TDO2: variants seen among roughly 807,000 people sequenced by gnomAD.
TDO2 encodes tryptophan 2,3-dioxygenase, also known as tryptamin 2,3-dioxygenase.
TDO2 carries 63 observed loss-of-function variants against 61.2 expected under a neutral mutation model. The ratio of observed to expected loss-of-function variants is 1.03; its 90% CI spans 0.84 to 1.27. The LOEUF is 1.27. TDO2 is among the 50% of genes most tolerant of loss of function. The pLI is 0.00. For synonymous variants in TDO2, 183 were observed against 164.0 expected, an observed-to-expected ratio of 1.12 and a Z score of -0.89; for missense variants, 494 against 469.5, an observed-to-expected ratio of 1.05 and a Z score of -0.48.
At position 155,918,511 on chromosome 4, in the gene TDO2, T is replaced by C. The variant is rs141505760; in HGVS notation, c.1067+272T>C. Among the ~76,000 whole-genome samples the C allele has an allele frequency of 1.8e-3, 267 of 152,294 alleles. 1 individual carries two copies. The highest frequency in any genetic ancestry group is 6.1e-3 in the African/African-American group (254 of 41,552). ...AGGACACAAAGGGTTTAACAGTGCTTACATCCAGGCAGAAAAGTCTTCAAC... is the reference window on the plus strand; with the variant it reads ...AGGACACAAAGGGTTTAACAGTGCTCACATCCAGGCAGAAAAGTCTTCAAC... On this transcript the variant is annotated intron_variant, in intron 11 of 11. Transcript: ENST00000536354.
chr4:155,911,412 C>G (rs2110874330), intron 6 of TDO2, 85 bp from the exon 7 acceptor site: 2 of 917,230 alleles, frequency 2.2e-6, no homozygotes, highest in East Asian at 6.2e-5. Context: ...ATGAAGATTT[C>G]TTGTTTTAAG....
intron 6 of TDO2, among the ~76,000 whole-genome samples, chr4:155,910,525 CTGAG>C (rs1486327717): frequency 1.3e-5 from 2 of 152,046 alleles, no homozygotes; most frequent in African/African-American, 2.4e-5. Context: ...GATTTTTAGA[CTGAG>C]TGTGATTATT....
At chr4:155,916,926 T>G (rs912226827) in intron 9 of TDO2, among the ~76,000 whole-genome samples, 2 of 151,920 alleles carry the variant, frequency 1.3e-5, no homozygotes, top group Non-Finnish European at 2.9e-5. Flanking sequence ...CTAGAAAATA[T>G]GCTGAGAAAG....
intron 10 of TDO2, 45 bp from the exon 11 acceptor site, chr4:155,918,092 CATTGTGGAACTA>C: frequency 6.5e-7 from 1 of 1,529,938 alleles, no homozygotes; most frequent in Non-Finnish European, 9.0e-7. Flanking sequence ...ATTGTTAGAA[CATTGTGGAACTA>C]ATGGTGGAAA....
intron 7 of TDO2, among the ~76,000 whole-genome samples, chr4:155,912,538 T>A (rs1742853932): frequency 6.6e-6 from 1 of 152,130 alleles, no homozygotes; most frequent in African/African-American, 2.4e-5. Flanking sequence ...GGATTTAGTA[T>A]ATACCATTAT....
intron 11 of TDO2, among the ~76,000 whole-genome samples, chr4:155,919,569 A>G (rs1743005958): frequency 6.6e-6 from 1 of 152,126 alleles, no homozygotes; most frequent in Non-Finnish European, 1.5e-5. Context: ...TGTCAGCAAT[A>G]AGACTCTCGG....
chr4:155,908,040 A>G (rs1362764845), intron 4 of TDO2, among the ~76,000 whole-genome samples: 1 of 152,202 alleles, frequency 6.6e-6, no homozygotes, highest in Non-Finnish European at 1.5e-5. Context: ...ATTTCCACCC[A>G]CAAAGATGTT....
chr4:155,904,578 A>G (rs144432164), intron 2 of TDO2, among the ~76,000 whole-genome samples: 118 of 152,282 alleles, frequency 7.7e-4, no homozygotes, highest in African/African-American at 2.8e-3. Flanking sequence ...TTAATGAATG[A>G]GGTATTGGGA....
chr4:155,911,497 GC>G lies in TDO2; in HGVS notation c.620del (p.Ala207AspfsTer9). 6.4e-7 allele frequency: 1 copy of G among 1,562,098 alleles called. No homozygotes were observed. The highest frequency in any genetic ancestry group is 1.7e-5 in the Admixed American group (1 of 57,374). On this transcript the variant is annotated frameshift_variant and splice_region_variant, in exon 7 of 12. Transcript: ENST00000536354. LOFTEE classifies it high-confidence loss of function. ...QEKTLLELVE[A>X]WLERTPGLEP... ...ACTTAAAAAATAATGTTTATTTAAG[GC>G]ATGGCTGGAAAGAACTCCAGGTTTA...
At position 155,920,156 on chromosome 4, in the gene TDO2, A is replaced by G. The variant is rs1166596525; in HGVS notation, c.*166A>G. 9.5e-6 allele frequency: 6 copies of G among 633,550 alleles called. No individual in the cohort carries two copies. The highest frequency in any genetic ancestry group is 3.3e-5 in the Admixed American group (1 of 30,180). 39.2% of individuals were successfully genotyped at this position (633,550 alleles called of 1,614,324 possible). A position where few individuals can be genotyped will look rare whatever the true frequency, so the allele number is the denominator to read the frequency against. On this transcript the variant is annotated 3_prime_UTR_variant, in exon 12 of 12. Coordinates refer to ENST00000536354, the MANE Select transcript of TDO2 (RefSeq NM_005651.4). ...TTGATTACCTCTTGTTTGTGACAAG[A>G]CTAAGCATTAAGATGAGAAAGAATA... is the stretch of plus-strand genomic sequence containing the variant.
chr4:155,908,585 C>G (rs1201088958), intron 4 of TDO2, among the ~76,000 whole-genome samples: 1 of 152,140 alleles, frequency 6.6e-6, no homozygotes, highest in Non-Finnish European at 1.5e-5. Context: ...GACCTCTGTT[C>G]TTTGAAACAA....
chr4:155,910,653 AT>A (rs1374087187), intron 6 of TDO2, among the ~76,000 whole-genome samples: 1 of 152,142 alleles, frequency 6.6e-6, no homozygotes, highest in Non-Finnish European at 1.5e-5. Context: ...TGTTCCCTTC[AT>A]ATCCAAATTC....
chr4:155,914,102 G>T (rs1394127131), intron 7 of TDO2, among the ~76,000 whole-genome samples: 1 of 151,872 alleles, frequency 6.6e-6, no homozygotes, highest in Non-Finnish European at 1.5e-5. Flanking sequence ...ATTTAATATT[G>T]AGAAATCATT....
intron 11 of TDO2, among the ~76,000 whole-genome samples, chr4:155,919,088 G>A (rs79409744): frequency 0.01 from 1,525 of 152,284 alleles, 17 homozygotes; most frequent in Middle Eastern, 0.044. Context: ...ACATCAGTGG[G>A]TGGTGGGAAT....
intron 3 of TDO2, chr4:155,907,403 C>T: frequency 4.6e-6 from 1 of 216,764 alleles, no homozygotes; most frequent in East Asian, 9.9e-5. Flanking sequence ...TTCCAGCTTC[C>T]ATAGAGGAAG....
chr4:155,918,262 C>T (rs1324313947), intron 11 of TDO2, 23 bp downstream of exon 11: 3 of 1,609,528 alleles, frequency 1.9e-6, no homozygotes, highest in Non-Finnish European at 2.6e-6. Context: ...ATTCTCCTTT[C>T]TTCCTGGTGG....
At chr4:155,917,574 C>A (rs1742966260) in intron 10 of TDO2, 100 bp downstream of exon 10, 1 of 973,898 alleles carries the variant, frequency 1.0e-6, no homozygotes, top group South Asian at 1.8e-5. Context: ...TTCTCTCTTT[C>A]CCCCTCCTTT....
Position 155,911,483 on chromosome 4 carries a change from A to G in TDO2, c.619-14A>G, listed in dbSNP as rs751535055. On this transcript the variant is annotated splice_polypyrimidine_tract_variant and intron_variant, in intron 6 of 11. Transcript: ENST00000536354. ...TTTACCATGTACTCACTTAAAAAAT[A>G]ATGTTTATTTAAGGCATGGCTGGAA... The G allele has an allele frequency of 8.8e-6, 14 of 1,593,670 alleles. No homozygotes were observed. The highest frequency in any genetic ancestry group is 1.3e-5 in the African/African-American group (1 of 74,478).
chr4:155,911,533 G>A lies in TDO2; in HGVS notation c.655G>A (p.Gly219Arg), dbSNP rs755051337. 6.3e-7 allele frequency: 1 copy of A among 1,598,284 alleles called. No individual in the cohort carries two copies. Among genetic ancestry groups the A allele is most frequent in the South Asian group, 1.1e-5 (1 of 89,852 alleles). ...AAGAACTCCAGGTTTAGAGCCACAT[G>A]GATTTAACTTCTGGGGAAAGCTTGA... ...LERTPGLEPH[G>R]FNFWGKLEKN... is the part of the protein sequence containing the mutation. Residue 219 changes from glycine to arginine, a missense_variant, in exon 7 of 12, where the codon GGA (glycine) becomes AGA (arginine). Transcript: ENST00000536354.
Sources: allele counts gnomAD v4.1 joint callset (sites outside exome capture counted in the v4.1 genomes callset), GRCh38; gene constraint gnomAD v4.1.1; transcripts MANE v1.5; gene names NCBI Gene and HGNC (gene_info 2026-07-23, HGNC 2026-07-21).